Variants in SH3PXD2A observed in about 807,000 individuals in gnomAD.
SH3PXD2A encodes SH3 and PX domain-containing protein 2A.
A neutral mutation model predicts 115.2 loss-of-function variants in SH3PXD2A; 32 were observed. That is an observed-to-expected ratio of 0.28 (90% CI 0.21 to 0.37). The LOEUF is 0.37. Ranked by LOEUF, SH3PXD2A falls within the 10% of genes least tolerant of loss-of-function variation. The probability of loss-of-function intolerance (pLI) is 1.00; values close to 1 mark genes in which losing one functional copy is unlikely to be tolerated. For missense variants in SH3PXD2A, 1,328 were observed against 1,498.7 expected, an observed-to-expected ratio of 0.89 and a Z score of 1.88; for synonymous variants, 610 against 629.1, an observed-to-expected ratio of 0.97 and a Z score of 0.45.
chr10:103,664,139 C>T (rs1157242399), intron 7 of SH3PXD2A, among the ~76,000 whole-genome samples: 1 of 152,206 alleles, frequency 6.6e-6, no homozygotes, highest in African/African-American at 2.4e-5. Context: ...TGGCCAACAG[C>T]ACTTCTTAAG....
intron 2 of SH3PXD2A, among the ~76,000 whole-genome samples, chr10:103,772,725 G>A (rs2038837767): frequency 6.6e-6 from 1 of 152,200 alleles, no homozygotes. Context: ...GAGAGGGGAG[G>A]ACGGGCGAGC....
At chr10:103,809,234 G>A (rs979085032) in intron 1 of SH3PXD2A, among the ~76,000 whole-genome samples, 1 of 152,176 alleles carries the variant, frequency 6.6e-6, no homozygotes, top group Admixed American at 6.5e-5. Context: ...GTAGTGGAGG[G>A]TGACCTCCAT....
intron 3 of SH3PXD2A, among the ~76,000 whole-genome samples, chr10:103,749,052 G>A (rs543362419): frequency 6.6e-6 from 1 of 151,898 alleles, no homozygotes; most frequent in African/African-American, 2.4e-5. Flanking sequence ...CACCACACCT[G>A]GCTAATTTTT....
At position 103,640,561 on chromosome 10, in the gene SH3PXD2A, C is replaced by T. The variant is rs1242968562; in HGVS notation, c.605-13359G>A. On this transcript the variant is annotated intron_variant, in intron 8 of 14. Coordinates refer to ENST00000369774, the MANE Select transcript of SH3PXD2A (RefSeq NM_001394015.1). The stretch of plus-strand genomic sequence containing the variant: ...AGAGAAGGGTCCCAAGAGCATTTGA[C>T]AAAGAGCCCTCCAGTCATCATCAGC... Among the ~76,000 whole-genome samples, 4 of 152,156 alleles carry T rather than the reference C, an allele frequency of 2.6e-5. No homozygotes were observed. In the South Asian group the frequency reaches 8.3e-4, roughly 32 times the overall value.
At chr10:103,720,368 G>A (rs2038167034) in intron 5 of SH3PXD2A, among the ~76,000 whole-genome samples, 1 of 152,206 alleles carries the variant, frequency 6.6e-6, no homozygotes, top group Non-Finnish European at 1.5e-5. Flanking sequence ...ACCACTAACT[G>A]ACCGGAGATG....
chr10:103,850,724 G>A (rs979586888), intron 1 of SH3PXD2A, among the ~76,000 whole-genome samples: 4 of 152,186 alleles, frequency 2.6e-5, no homozygotes, highest in African/African-American at 7.2e-5. Flanking sequence ...TCCATGGGGC[G>A]TGTAACCCAC....
chr10:103,733,127 T>C (rs1009922287), intron 4 of SH3PXD2A, among the ~76,000 whole-genome samples: 4 of 151,950 alleles, frequency 2.6e-5, no homozygotes, highest in African/African-American at 9.7e-5. Context: ...GGTGAGCCCA[T>C]GGCCCCATTC....
chr10:103,626,325 A>G (rs2036693491), intron 9 of SH3PXD2A, among the ~76,000 whole-genome samples: 6 of 152,234 alleles, frequency 3.9e-5, no homozygotes, highest in Admixed American at 3.9e-4. Context: ...GGTGGCCTCA[A>G]TCCCTCTGGC....
At chr10:103,841,007 G>A (rs1372061231) in intron 1 of SH3PXD2A, among the ~76,000 whole-genome samples, 1 of 152,202 alleles carries the variant, frequency 6.6e-6, no homozygotes, top group African/African-American at 2.4e-5. Flanking sequence ...AAAAGTTTTG[G>A]TGGGCTGACT....
At chr10:103,668,890 C>T (rs974130865) in intron 6 of SH3PXD2A, among the ~76,000 whole-genome samples, 16 of 152,218 alleles carry the variant, frequency 1.1e-4, no homozygotes, top group African/African-American at 3.4e-4. Context: ...ATGAGGTGTC[C>T]GCCGAAATGC....
intron 1 of SH3PXD2A, among the ~76,000 whole-genome samples, chr10:103,836,251 G>A (rs962382515): frequency 6.6e-6 from 1 of 152,014 alleles, no homozygotes; most frequent in African/African-American, 2.4e-5. Flanking sequence ...CCTGATCATA[G>A]GGGGCTCTCA....
rs1460478176 is a variant in SH3PXD2A, at chr10:103,622,575, G to C, written c.719-22C>G. 2.6e-6 allele frequency: 4 copies of C among 1,524,700 alleles called. 1 individual carries two copies. The South Asian group carries it at 4.8e-5, about 18-fold the overall frequency. 94.4% of individuals were successfully genotyped at this position (1,524,700 alleles called of 1,614,324 possible). A position where few individuals can be genotyped will look rare whatever the true frequency, so the allele number is the denominator to read the frequency against. On this transcript the variant is annotated intron_variant, in intron 9 of 14. Coordinates refer to ENST00000369774, the MANE Select transcript of SH3PXD2A (RefSeq NM_001394015.1). ...GACACTGGTGTGGGAGATGGCGATG[G>C]AGCATGCGGCCAACAGCAACCGGCG...
chr10:103,807,629 C>T (rs915858196), intron 1 of SH3PXD2A, among the ~76,000 whole-genome samples: 1 of 152,162 alleles, frequency 6.6e-6, no homozygotes, highest in African/African-American at 2.4e-5. Flanking sequence ...AACTGTGCAC[C>T]CTGGCTCAGG....
chr10:103,683,723 AC>A (rs1295444618), intron 6 of SH3PXD2A, among the ~76,000 whole-genome samples: 12 of 152,268 alleles, frequency 7.9e-5, no homozygotes, highest in African/African-American at 2.9e-4. Context: ...TTCCAGCTCC[AC>A]ATCCTTACTC....
rs1163976491 is a variant in SH3PXD2A, at chr10:103,757,022, A to G, written c.229+10072T>C. On this transcript the variant is annotated intron_variant, in intron 3 of 14. Transcript: ENST00000369774. ...TCAACCCTGGTCTCAGTAACCATCC[A>G]GTCTGCCATCTACGCTGGAGTATGA... 2.0e-5 allele frequency among the ~76,000 whole-genome samples: 3 copies of G among 152,196 alleles called. No individual in the cohort carries two copies. The East Asian group carries it at 5.8e-4, about 29-fold the overall frequency.
intron 2 of SH3PXD2A, among the ~76,000 whole-genome samples, chr10:103,792,259 AG>A (rs2039043124): frequency 6.6e-6 from 1 of 152,280 alleles, no homozygotes; most frequent in South Asian, 2.1e-4. Context: ...GAAGGGAAAT[AG>A]GTTTGTAGTT....
intron 3 of SH3PXD2A, among the ~76,000 whole-genome samples, chr10:103,739,853 T>C (rs2038424747): frequency 6.6e-6 from 1 of 152,204 alleles, no homozygotes; most frequent in African/African-American, 2.4e-5. Context: ...TTCCTGCCAC[T>C]CTGGGCTGGG....
At chr10:103,775,946 C>T (rs2038873733) in intron 2 of SH3PXD2A, among the ~76,000 whole-genome samples, 1 of 152,190 alleles carries the variant, frequency 6.6e-6, no homozygotes. Flanking sequence ...CACACACTCA[C>T]TAAGCTGCTG....
At chr10:103,848,153 C>T (rs1842865587) in intron 1 of SH3PXD2A, among the ~76,000 whole-genome samples, 1 of 152,038 alleles carries the variant, frequency 6.6e-6, no homozygotes, top group Admixed American at 6.6e-5. Flanking sequence ...TGCATCAGGC[C>T]CTCCCAAGCT....
Sources: allele counts gnomAD v4.1 joint callset (sites outside exome capture counted in the v4.1 genomes callset), GRCh38; gene constraint gnomAD v4.1.1; transcripts MANE v1.5; gene names NCBI Gene and HGNC (gene_info 2026-07-23, HGNC 2026-07-21).